Variants in NPSR1 observed in about 807,000 individuals in gnomAD.
NPSR1 encodes the protein neuropeptide S receptor.
NPSR1 carries 48 observed loss-of-function variants against 46.9 expected under a neutral mutation model. The ratio of observed to expected loss-of-function variants is 1.02; its 90% confidence interval spans 0.81 to 1.30. The LOEUF (loss-of-function observed/expected upper bound fraction) is 1.30, where lower values mean the gene tolerates loss of function less well. NPSR1 is among the 50% of genes most tolerant of loss of function. The pLI, the probability that NPSR1 is intolerant of heterozygous loss-of-function variation, is 0.00. For missense variants in NPSR1, 450 were observed against 449.5 expected (o/e 1.00, Z -0.01); for synonymous variants, 176 against 168.1 (o/e 1.05, Z -0.36).
chr7:34,778,678 T>C, intron 3 of NPSR1, 113 bp downstream of exon 3: 1 of 632,524 alleles, frequency 1.6e-6, no homozygotes, highest in Non-Finnish European at 2.8e-6. Context: ...AACTGCCCGC[T>C]TTCTCCTGGG....
At chr7:34,786,385 T>A (rs1413195670) in intron 3 of NPSR1, among the ~76,000 whole-genome samples, 2 of 152,172 alleles carry the variant, frequency 1.3e-5, no homozygotes, top group Non-Finnish European at 2.9e-5. Flanking sequence ...TTTCTCTTGC[T>A]ATTTCCACCA....
chr7:34,729,984 G>A (rs922804861), intron 2 of NPSR1, among the ~76,000 whole-genome samples: 1 of 152,174 alleles, frequency 6.6e-6, no homozygotes, highest in African/African-American at 2.4e-5. Flanking sequence ...ATGTTGGCCA[G>A]GCTAGTCTGG....
intron 2 of NPSR1, among the ~76,000 whole-genome samples, chr7:34,735,981 G>A: frequency 6.6e-6 from 1 of 152,080 alleles, no homozygotes; most frequent in East Asian, 1.9e-4. Flanking sequence ...ATATAAAAAA[G>A]TGAAGCCTCA....
intron 3 of NPSR1, among the ~76,000 whole-genome samples, chr7:34,785,720 A>G (rs1787435964): frequency 6.6e-6 from 1 of 152,112 alleles, no homozygotes; most frequent in South Asian, 2.1e-4. Context: ...TGTGGGTTCA[A>G]TTCCAGAATG....
At chr7:34,751,728 C>A in intron 2 of NPSR1, 1 of 1,582,966 alleles carries the variant, frequency 6.3e-7, no homozygotes, top group South Asian at 1.1e-5. Flanking sequence ...CCTTCGGGTC[C>A]CCCTGACTGG....
chr7:34,708,518 G>C (rs1361013310), intron 2 of NPSR1, among the ~76,000 whole-genome samples: 1 of 152,146 alleles, frequency 6.6e-6, no homozygotes, highest in African/African-American at 2.4e-5. Flanking sequence ...TGCTGGGGAG[G>C]TAATCCCAAC....
At chr7:34,750,747 C>A in intron 2 of NPSR1, 1 of 694,628 alleles carries the variant, frequency 1.4e-6, no homozygotes, top group East Asian at 3.1e-5. Context: ...GGGCCTTGCT[C>A]TGTGAGGGGC....
At chr7:34,684,861 T>C (rs1252378452) in intron 2 of NPSR1, among the ~76,000 whole-genome samples, 177 bp downstream of exon 2, 1 of 152,196 alleles carries the variant, frequency 6.6e-6, no homozygotes, top group East Asian at 1.9e-4. Context: ...TTAACACATA[T>C]GAATGCCTCT....
chr7:34,744,129 T>C (rs1024331438), intron 2 of NPSR1, among the ~76,000 whole-genome samples: 1 of 152,218 alleles, frequency 6.6e-6, no homozygotes, highest in Non-Finnish European at 1.5e-5. Flanking sequence ...TCTCCCATAG[T>C]TCTATTATTT....
chr7:34,678,346 C>A (rs955385201), intron 1 of NPSR1, among the ~76,000 whole-genome samples: 28 of 151,112 alleles, frequency 1.9e-4, no homozygotes, highest in African/African-American at 6.8e-4. Context: ...CTCAGCCTCC[C>A]GAGTAGCTGG....
At chr7:34,779,571 A>G in intron 3 of NPSR1, 3 of 1,271,722 alleles carry the variant, frequency 2.4e-6, no homozygotes, top group African/African-American at 1.6e-5. Context: ...TTCCATATTC[A>G]GAAAATGAAT....
At chr7:34,658,670 CT>C in intron 1 of NPSR1, 111 bp downstream of exon 1, 1 of 1,120,792 alleles carries the variant, frequency 8.9e-7, no homozygotes, top group Non-Finnish European at 1.3e-6. Flanking sequence ...GTGTTATTTT[CT>C]TTACTAAAAA....
intron 1 of NPSR1, among the ~76,000 whole-genome samples, chr7:34,668,181 T>C (rs2128672544): frequency 6.6e-6 from 1 of 152,230 alleles, no homozygotes; most frequent in African/African-American, 2.4e-5. Context: ...ATAAAGATAT[T>C]GAACGAAGGT....
chr7:34,865,464 G>A (rs1434023707), intron 8 of NPSR1, among the ~76,000 whole-genome samples: 1 of 151,764 alleles, frequency 6.6e-6, no homozygotes, highest in African/African-American at 2.4e-5. Flanking sequence ...TTCAATCCAA[G>A]CGACTTAAGC....
intron 3 of NPSR1, among the ~76,000 whole-genome samples, chr7:34,790,959 GTTATATTATATATGTTATA>G (rs1787776045): frequency 2.7e-5 from 2 of 73,222 alleles, no homozygotes; most frequent in African/African-American, 8.4e-5. Flanking sequence ...TATGTTATAT[GTTATATTATATATGTTATA>G]TGTTATATTA....
At chr7:34,755,862 CAT>C (rs1785810615) in intron 2 of NPSR1, among the ~76,000 whole-genome samples, 1 of 152,114 alleles carries the variant, frequency 6.6e-6, no homozygotes, top group South Asian at 2.1e-4. Flanking sequence ...AAAATCTTTT[CAT>C]ATATGTTTGC....
At chr7:34,676,793 A>C (rs1295963895) in intron 1 of NPSR1, among the ~76,000 whole-genome samples, 1 of 152,060 alleles carries the variant, frequency 6.6e-6, no homozygotes, top group Non-Finnish European at 1.5e-5. Context: ...CCCCAAAAGC[A>C]TTTGCCCGGG....
intron 8 of NPSR1, among the ~76,000 whole-genome samples, chr7:34,874,320 C>T (rs1252830570): frequency 6.6e-6 from 1 of 152,300 alleles, no homozygotes; most frequent in Admixed American, 6.5e-5. Context: ...AACTAAATTA[C>T]TTAATATTTT....
intron 8 of NPSR1, among the ~76,000 whole-genome samples, chr7:34,877,380 A>T (rs950140293): frequency 1.3e-5 from 2 of 152,166 alleles, no homozygotes; most frequent in African/African-American, 4.8e-5. Context: ...GACAGTCTTG[A>T]GGAGAGGGCA....
Sources: gnomAD v4.1 joint callset for allele counts (sites outside exome capture counted in the v4.1 genomes callset) on GRCh38, gnomAD v4.1.1 for gene constraint, MANE v1.5 for transcripts, NCBI Gene and HGNC (gene_info 2026-07-23, HGNC 2026-07-21) for gene names.